The following LAMA1 variants were observed in gnomAD, a reference collection of about 807,000 sequenced individuals.
LAMA1 encodes laminin subunit alpha-1.
Under a neutral mutation model 348.7 loss-of-function variants are expected in LAMA1, and 219 were observed. The ratio of observed to expected loss-of-function variants is 0.63; its 90% CI spans 0.56 to 0.70. The LOEUF is 0.70. Ranked by LOEUF, LAMA1 falls within the 30% of genes least tolerant of loss-of-function variation. The pLI is 0.00. For synonymous variants in LAMA1, 1,487 were observed against 1,491.0 expected, an observed-to-expected ratio of 1.00 and a Z score of 0.06; for missense variants, 3,744 against 3,888.0, an observed-to-expected ratio of 0.96 and a Z score of 0.99.
chr18:6,993,524 C>T (rs1237350024), intron 35 of LAMA1, 117 bp downstream of exon 35: 11 of 819,786 alleles, frequency 1.3e-5, no homozygotes, highest in Admixed American at 1.8e-5. Flanking sequence ...ATTCCAGCCC[C>T]TCTGGTTCCG....
rs778208901 is a variant in LAMA1 at position 6,978,336 on chromosome 18, G to A, written c.6050C>T (p.Ser2017Phe). The change falls in exon 43 of 63, where the codon TCT becomes TTT. Residue 2017 changes from serine to phenylalanine, a missense_variant. Transcript: ENST00000389658. ...KGAKTKELAT[S>F]ASQSAVSTLR... ...CGTGCTCACCGCGCTCTGGCTTGCA[G>A]ACGTGGCCAGCTCTTTGGTTTTGGC... 2.8e-5 allele frequency: 46 copies of A among 1,614,112 alleles called. No individual in the cohort carries two copies. In the Admixed American group the frequency reaches 7.2e-4, roughly 25 times the overall value.
intron 1 of LAMA1, among the ~76,000 whole-genome samples, chr18:7,098,979 C>G: frequency 6.6e-6 from 1 of 152,138 alleles, no homozygotes; most frequent in Non-Finnish European, 1.5e-5. Flanking sequence ...CTCAACAGCT[C>G]ATTGAGAACA....
chr18:6,992,687 A>G lies in LAMA1; in HGVS notation c.5042T>C (p.Leu1681Ser), dbSNP rs775161746. The change falls in exon 36 of 63, where the codon TTG (leucine) becomes TCG (serine). Residue 1681 changes from leucine (L) to serine (S), a missense_variant. Leu to Ser is a moderately radical substitution (Grantham distance 145, BLOSUM62 -2). Coordinates refer to ENST00000389658, the MANE Select transcript of LAMA1 (RefSeq NM_005559.4). ...ATTGGGTAGTAGGAAATCTTCATCC[A>G]AAGTCTGATTTAAAGTTGTCTTTTC... ...IMEKTTLNQT[L>S]DEDFLLPNST... is the part of the protein sequence containing the mutation. 1 of 1,613,452 alleles carries G rather than the reference A, an allele frequency of 6.2e-7. No homozygotes were observed. The highest frequency in any genetic ancestry group is 8.5e-7 in the Non-Finnish European group (1 of 1,179,330).
At chr18:7,080,156 G>A (rs1197082734) in intron 2 of LAMA1, 69 bp from the exon 3 acceptor site, 17 of 1,553,920 alleles carry the variant, frequency 1.1e-5, no homozygotes, top group East Asian at 6.7e-5. Context: ...GTTCTAAACC[G>A]TAATGCTAGT....
intron 25 of LAMA1, 152 bp from the exon 26 acceptor site, chr18:7,010,537 T>C (rs2057855031): frequency 1.7e-5 from 13 of 748,028 alleles, no homozygotes; most frequent in Non-Finnish European, 3.0e-5. Context: ...TTCCTTCTAA[T>C]TCCATTTAAT....
At chr18:6,977,657 C>G (rs947855904) in intron 44 of LAMA1, 70 bp downstream of exon 44, 2 of 1,587,588 alleles carry the variant, frequency 1.3e-6, no homozygotes, top group East Asian at 2.2e-5. Flanking sequence ...AGGGCCATGT[C>G]TGCATGAATT....
chr18:6,946,839 A>C (rs1269235281), intron 61 of LAMA1, among the ~76,000 whole-genome samples: 1 of 152,178 alleles, frequency 6.6e-6, no homozygotes, highest in Non-Finnish European at 1.5e-5. Flanking sequence ...ATTTCCAAAT[A>C]AAAAGTTAAA....
At chr18:6,982,359 T>C in intron 41 of LAMA1, 138 bp downstream of exon 41, 2 of 799,932 alleles carry the variant, frequency 2.5e-6, no homozygotes, top group South Asian at 1.4e-5. Flanking sequence ...ATTTATATGA[T>C]AGGAAATTGG....
In LAMA1 at chr18:7,017,297, T is replaced by A; in HGVS notation, c.2789A>T (p.Gln930Leu). 6.2e-7 allele frequency: 1 copy of A among 1,613,756 alleles called. No homozygotes were observed. The highest frequency in any genetic ancestry group is 8.5e-7 in the Non-Finnish European group (1 of 1,179,730). The change falls in exon 20 of 63, where the codon CAG (glutamine) becomes CTG (leucine). Residue 930 changes from glutamine to leucine, a missense_variant. Gln to Leu is a moderately radical substitution (Grantham distance 113). Coordinates refer to ENST00000389658, the MANE Select transcript of LAMA1 (RefSeq NM_005559.4). ...TCTTACCAAGCACTGGTCACACTGC[T>A]GTCCAGTCACGTTTGGTTTGCAGTC... ...LCDCKPNVTG[Q>L]QCDQCLHGYY... is the part of the protein sequence containing the mutation.
In LAMA1 at chr18:7,080,450, A is replaced by T. The variant is rs1442731381; in HGVS notation, c.69T>A (p.Phe23Leu). The change falls in exon 2 of 63, where the codon TTT becomes TTA. Residue 23 changes from phenylalanine (F) to leucine (L), a missense_variant. By Grantham distance (22) the Phe-to-Leu change is conservative. Coordinates refer to ENST00000389658, the MANE Select transcript of LAMA1 (RefSeq NM_005559.4). Reference protein sequence around the residue: ...VAAQCRQRGLFPAILNLASNA... With the variant: ...VAAQCRQRGLLPAILNLASNA... ...TGCTGGCAAGATTGAGAATGGCAGG[A>T]AACAGGCCTGAAAGTGAAAATTTAC... The T allele has an allele frequency of 6.2e-7, 1 of 1,614,232 alleles. No individual in the cohort carries two copies. The highest frequency in any genetic ancestry group is 2.2e-5 in the East Asian group (1 of 44,876).
At position 6,965,391 on chromosome 18, in the gene LAMA1, C is replaced by G. The variant is rs775395617; in HGVS notation, c.7092G>C (p.Lys2364Asn). ...LSIELFRGRV[K>N]VMTDLGSGPI... ...GTCCTGAACCCAGGTCAGTCATAACCTTCACTCTGCCACGAAACAGCTCGA... is the reference window on the plus strand; with the variant it reads ...GTCCTGAACCCAGGTCAGTCATAACGTTCACTCTGCCACGAAACAGCTCGA... Residue 2364 changes from lysine to asparagine, a missense_variant, in exon 50 of 63, where the codon AAG becomes AAC. Lys to Asn is a moderately conservative substitution (Grantham distance 94, BLOSUM62 0). Transcript: ENST00000389658. 29 of 1,614,016 alleles carry G rather than the reference C, an allele frequency of 1.8e-5. No homozygotes were observed. The highest frequency in any genetic ancestry group is 2.4e-5 in the Non-Finnish European group (28 of 1,180,026).
chr18:7,116,201 C>A (rs944257480), intron 1 of LAMA1, among the ~76,000 whole-genome samples: 2 of 152,218 alleles, frequency 1.3e-5, no homozygotes, highest in South Asian at 2.1e-4. Flanking sequence ...GCCAGGACAA[C>A]CTTCAGGCCA....
chr18:7,068,750 A>G (rs1292164435), intron 3 of LAMA1, among the ~76,000 whole-genome samples: 1 of 152,042 alleles, frequency 6.6e-6, no homozygotes, highest in African/African-American at 2.4e-5. Context: ...GTTTTTAAAG[A>G]TGGAAATACT....
Position 6,943,311 on chromosome 18 carries a change from G to A in LAMA1, c.8936C>T (p.Thr2979Ile), listed in dbSNP as rs376100751. ...GTGTTTGCTTTTGTTAGCTTGAAGA[G>A]TGTGCCATTTTCCATCACAGAGCAC... Reference protein sequence around the residue: ...ATVLCDGKWHTLQANKSKHRI... With the variant: ...ATVLCDGKWHILQANKSKHRI... Residue 2979 changes from threonine (T) to isoleucine (I), a missense_variant, in exon 62 of 63, where the codon ACT becomes ATT. Physicochemically the swap from Thr to Ile is moderately conservative, Grantham distance 89. This residue lies in a region of LAMA1 where 232 missense variants were observed against 264.4 expected (regional missense o/e 0.88). Coordinates refer to ENST00000389658, the MANE Select transcript of LAMA1 (RefSeq NM_005559.4). 2.9e-5 allele frequency: 47 copies of A among 1,614,206 alleles called. No homozygotes were observed. The African/African-American group carries it at 5.6e-4, about 19-fold the overall frequency.
At chr18:7,094,397 A>G (rs2058252072) in intron 1 of LAMA1, among the ~76,000 whole-genome samples, 1 of 146,654 alleles carries the variant, frequency 6.8e-6, no homozygotes, top group Non-Finnish European at 1.5e-5. Context: ...ACTGCACTCC[A>G]GCTTGGGTGA....
chr18:6,998,316 A>G (rs910809441), intron 32 of LAMA1, among the ~76,000 whole-genome samples: 5 of 152,208 alleles, frequency 3.3e-5, no homozygotes, highest in African/African-American at 1.2e-4. Context: ...AAGGCGAGGA[A>G]GGCAAGCCAG....
At chr18:7,002,844 T>G (rs1474920706) in intron 29 of LAMA1, among the ~76,000 whole-genome samples, 1 of 152,046 alleles carries the variant, frequency 6.6e-6, no homozygotes, top group Non-Finnish European at 1.5e-5. Flanking sequence ...ACTGATAGAT[T>G]ACTGCAACCA....
chr18:7,045,239 A>T (rs182693760), intron 6 of LAMA1, among the ~76,000 whole-genome samples: 1 of 152,314 alleles, frequency 6.6e-6, no homozygotes, highest in East Asian at 1.9e-4. Context: ...AAGTAACTTC[A>T]TGCAAGTGTT....
Position 7,009,328 on chromosome 18 carries a change from A to T in LAMA1, c.3912T>A (p.Pro1304=). ...WKYFNSVSEK[P]VTREDFMSVL... Reference sequence around the variant, plus strand: ...CAGACATAAAATCCTCTCGCGTGACAGGTTTTTCAGAAACAGAGTTAAAAT... The same window carrying T: ...CAGACATAAAATCCTCTCGCGTGACTGGTTTTTCAGAAACAGAGTTAAAAT... The change falls in exon 27 of 63, where the codon CCT becomes CCA. Residue 1304 remains proline, a synonymous_variant. Coordinates refer to ENST00000389658, the MANE Select transcript of LAMA1 (RefSeq NM_005559.4). 1 of 1,614,160 alleles carries T rather than the reference A, an allele frequency of 6.2e-7. No homozygotes were observed. Among genetic ancestry groups the T allele is most frequent in the Non-Finnish European group, 8.5e-7 (1 of 1,179,984 alleles).
Sources: gnomAD v4.1 joint callset for allele counts (sites outside exome capture counted in the v4.1 genomes callset) on GRCh38, gnomAD v4.1.1 for gene constraint, gnomAD v4.1.1 regional missense constraint, MANE v1.5 for transcripts, NCBI Gene and HGNC (gene_info 2026-07-23, HGNC 2026-07-21) for gene names.